Variants in RBFOX1 observed in about 807,000 individuals in gnomAD.
The protein encoded by RBFOX1 is RNA binding protein fox-1 homolog 1.
In RBFOX1, 8 loss-of-function variants were observed where a neutral mutation model predicts 57.7. The ratio of observed to expected loss-of-function variants is 0.14; its 90% confidence interval spans 0.08 to 0.25. RBFOX1 has a LOEUF of 0.25. Ranked by LOEUF, RBFOX1 falls within the 10% of genes least tolerant of loss-of-function variation. The pLI is 1.00. For missense variants in RBFOX1, 611 were observed against 548.5 expected (o/e 1.11, Z -1.14); for synonymous variants, 326 against 222.4 (o/e 1.47, Z -4.15).
At chr16:6,278,939 C>T (rs2076104943) in intron 1 of RBFOX1, among the ~76,000 whole-genome samples, 2 of 151,686 alleles carry the variant, frequency 1.3e-5, no homozygotes, top group African/African-American at 4.8e-5. Flanking sequence ...TATGTCTAAC[C>T]CGTTATGTGA....
At chr16:7,024,404 G>C (rs1280391378) in intron 3 of RBFOX1, among the ~76,000 whole-genome samples, 1 of 152,062 alleles carries the variant, frequency 6.6e-6, no homozygotes, top group Non-Finnish European at 1.5e-5. Flanking sequence ...AGCAGTTTTA[G>C]CAATTATTTT....
chr16:7,198,254 C>G (rs982248845), intron 4 of RBFOX1, among the ~76,000 whole-genome samples: 2 of 152,058 alleles, frequency 1.3e-5, no homozygotes, highest in Non-Finnish European at 2.9e-5. Flanking sequence ...ATCTGCCTGC[C>G]TTGGACTCCC....
intron 1 of RBFOX1, among the ~76,000 whole-genome samples, chr16:6,206,150 T>C (rs1384413384): frequency 6.6e-6 from 1 of 152,140 alleles, no homozygotes; most frequent in Non-Finnish European, 1.5e-5. Context: ...GAAAACTTCT[T>C]ACTATGATTT....
chr16:5,958,997 G>A (rs1486872373), intron 4 of RBFOX1, among the ~76,000 whole-genome samples: 1 of 152,142 alleles, frequency 6.6e-6, no homozygotes, highest in Non-Finnish European at 1.5e-5. Context: ...GCAAGTTCCA[G>A]GGATTAGGAT....
intron 4 of RBFOX1, among the ~76,000 whole-genome samples, chr16:7,212,484 C>T (rs1347158102): frequency 6.6e-6 from 1 of 152,080 alleles, no homozygotes; most frequent in African/African-American, 2.4e-5. Context: ...TAGGGAATTA[C>T]AAAATCAGGT....
chr16:6,480,675 T>C (rs1255550416), intron 2 of RBFOX1, among the ~76,000 whole-genome samples: 1 of 152,170 alleles, frequency 6.6e-6, no homozygotes, highest in Non-Finnish European at 1.5e-5. Flanking sequence ...ACCTATAATA[T>C]TATATTAGTG....
intron 3 of RBFOX1, among the ~76,000 whole-genome samples, chr16:6,807,119 C>G (rs1483612511): frequency 6.6e-6 from 1 of 151,850 alleles, no homozygotes; most frequent in African/African-American, 2.4e-5. Context: ...CAGGTGTAAG[C>G]CACCGTGCCC....
intron 4 of RBFOX1, among the ~76,000 whole-genome samples, chr16:7,157,138 G>T (rs1304638915): frequency 6.6e-6 from 1 of 152,138 alleles, no homozygotes; most frequent in Non-Finnish European, 1.5e-5. Flanking sequence ...TATTCTCATT[G>T]GCACAGGATA....
At chr16:6,218,588 G>C (rs1009915735) in intron 1 of RBFOX1, among the ~76,000 whole-genome samples, 2 of 152,126 alleles carry the variant, frequency 1.3e-5, no homozygotes, top group African/African-American at 4.8e-5. Flanking sequence ...GGGATTACAG[G>C]CATGCACCAC....
chr16:6,681,775 G>C (rs1043667801), intron 3 of RBFOX1, among the ~76,000 whole-genome samples: 1 of 151,814 alleles, frequency 6.6e-6, no homozygotes, highest in African/African-American at 2.4e-5. Flanking sequence ...CTGTAATTCA[G>C]TTCTCACGTC....
chr16:5,787,807 G>T (rs2054556684), intron 3 of RBFOX1, among the ~76,000 whole-genome samples: 4 of 152,196 alleles, frequency 2.6e-5, no homozygotes, highest in South Asian at 2.1e-4. Context: ...CCTGTAAAGG[G>T]CACACGTTGA....
At chr16:6,636,521 A>C (rs777870810) in intron 2 of RBFOX1, among the ~76,000 whole-genome samples, 14 of 152,000 alleles carry the variant, frequency 9.2e-5, no homozygotes, top group Non-Finnish European at 1.6e-4. Context: ...ACAATATTAA[A>C]AAATTATTAA....
intron 10 of RBFOX1, among the ~76,000 whole-genome samples, chr16:7,626,216 G>A (rs548661260): frequency 1.3e-5 from 2 of 152,348 alleles, no homozygotes; most frequent in African/African-American, 2.4e-5. Context: ...TGGCAGCAGA[G>A]TAAACAGTTT....
intron 2 of RBFOX1, among the ~76,000 whole-genome samples, chr16:6,431,035 G>A (rs1420917876): frequency 2.0e-5 from 3 of 151,992 alleles, no homozygotes; most frequent in Admixed American, 2.0e-4. Flanking sequence ...CTACTTGGGA[G>A]GCTGAGGAGG....
chr16:5,640,160 C>T (rs1432650319), intron 3 of RBFOX1, among the ~76,000 whole-genome samples: 1 of 152,172 alleles, frequency 6.6e-6, no homozygotes, highest in South Asian at 2.1e-4. Context: ...ACTGGGGCCC[C>T]TTCCTCAGCA....
At chr16:5,733,387 T>C (rs911694047) in intron 3 of RBFOX1, among the ~76,000 whole-genome samples, 1 of 152,176 alleles carries the variant, frequency 6.6e-6, no homozygotes, top group Admixed American at 6.5e-5. Flanking sequence ...CTTACCATGA[T>C]TCACATTGCC....
At chr16:7,058,967 C>G (rs1374342728) in intron 4 of RBFOX1, among the ~76,000 whole-genome samples, 2 of 152,034 alleles carry the variant, frequency 1.3e-5, no homozygotes, top group Non-Finnish European at 2.9e-5. Context: ...ATCATGGTAC[C>G]CGCCTTGTGA....
chr16:7,052,217 G>C, intron 4 of RBFOX1, 119 bp downstream of exon 4: 1 of 1,412,696 alleles, frequency 7.1e-7, no homozygotes, highest in Non-Finnish European at 9.4e-7. Context: ...AAGACTGGTA[G>C]AGTTGAAAAT....
chr16:6,811,375 T>C (rs1468474504), intron 3 of RBFOX1, among the ~76,000 whole-genome samples: 3 of 152,256 alleles, frequency 2.0e-5, no homozygotes, highest in Non-Finnish European at 4.4e-5. Flanking sequence ...TTCTATTAAA[T>C]GTGATTAGCT....
Sources: allele counts gnomAD v4.1 joint callset (sites outside exome capture counted in the v4.1 genomes callset), GRCh38; gene constraint gnomAD v4.1.1; transcripts MANE v1.5; gene names NCBI Gene and HGNC (gene_info 2026-07-23, HGNC 2026-07-21).